Variants in ZNF804A observed in about 807,000 individuals in gnomAD.
ZNF804A encodes zinc finger protein 804A.
In ZNF804A, 2 loss-of-function variants were observed where a neutral mutation model predicts 16.5. The observed-to-expected ratio is 0.12, with a 90% CI of 0.05 to 0.38. The LOEUF is 0.38. ZNF804A is among the 10% of genes least tolerant of loss of function. ZNF804A has a pLI of 0.99. For missense variants in ZNF804A, 1,473 were observed against 1,390.7 expected (o/e 1.06, Z -0.94); for synonymous variants, 534 against 489.6 (o/e 1.09, Z -1.20).
chr2:184,861,148 G>A (rs947341077), intron 1 of ZNF804A, among the ~76,000 whole-genome samples: 2 of 152,158 alleles, frequency 1.3e-5, no homozygotes, highest in Non-Finnish European at 2.9e-5. Context: ...TTAGTTTTTT[G>A]GGGGGACAGG....
At chr2:184,860,454 C>T (rs1695781897) in intron 1 of ZNF804A, among the ~76,000 whole-genome samples, 1 of 152,206 alleles carries the variant, frequency 6.6e-6, no homozygotes, top group South Asian at 2.1e-4. Context: ...TCCACAGGAA[C>T]TTGCCTGGAG....
chr2:184,623,593 G>C (rs1355154069), intron 1 of ZNF804A, among the ~76,000 whole-genome samples: 1 of 152,062 alleles, frequency 6.6e-6, no homozygotes, highest in Non-Finnish European at 1.5e-5. Flanking sequence ...TCAAAGCCAT[G>C]CCTAGCTTTA....
intron 1 of ZNF804A, among the ~76,000 whole-genome samples, chr2:184,698,865 A>G (rs774390476): frequency 6.6e-6 from 1 of 152,110 alleles, no homozygotes; most frequent in Non-Finnish European, 1.5e-5. Flanking sequence ...GAAGACAAGA[A>G]CTTTTTTAAA....
chr2:184,649,831 C>CA (rs57435962), intron 1 of ZNF804A, among the ~76,000 whole-genome samples: 38,160 of 130,488 alleles, frequency 0.29, 5,258 homozygotes, highest in South Asian at 0.41. Flanking sequence ...ACAAATCAAC[C>CA]AAAAAAAAAA....
chr2:184,898,518 T>C (rs1685125893), intron 2 of ZNF804A, among the ~76,000 whole-genome samples: 1 of 152,068 alleles, frequency 6.6e-6, no homozygotes, highest in Admixed American at 6.6e-5. Context: ...TGATAAAGCA[T>C]TCCTGAATTC....
chr2:184,739,463 G>A (rs1483621409), intron 1 of ZNF804A, among the ~76,000 whole-genome samples: 1 of 152,156 alleles, frequency 6.6e-6, no homozygotes, highest in Non-Finnish European at 1.5e-5. Context: ...GCACGGTCGT[G>A]GCTCACTGCA....
intron 2 of ZNF804A, among the ~76,000 whole-genome samples, chr2:184,898,414 C>T (rs1685123696): frequency 6.6e-6 from 1 of 152,076 alleles, no homozygotes; most frequent in Admixed American, 6.6e-5. Context: ...ACATCACCTG[C>T]TTGTGGAATA....
At chr2:184,688,796 C>T (rs559195724) in intron 1 of ZNF804A, among the ~76,000 whole-genome samples, 4 of 152,160 alleles carry the variant, frequency 2.6e-5, no homozygotes, top group African/African-American at 7.2e-5. Flanking sequence ...TAATGATACC[C>T]TAAAACCTAT....
At chr2:184,748,748 G>C (rs1306508700) in intron 1 of ZNF804A, among the ~76,000 whole-genome samples, 1 of 151,468 alleles carries the variant, frequency 6.6e-6, no homozygotes, top group Non-Finnish European at 1.5e-5. Context: ...TTATCAATTT[G>C]AGTTAATTTT....
chr2:184,681,309 G>A (rs1036638175), intron 1 of ZNF804A, among the ~76,000 whole-genome samples: 1 of 152,114 alleles, frequency 6.6e-6, no homozygotes, highest in African/African-American at 2.4e-5. Context: ...CCCACTAAAA[G>A]CAGATTGTAA....
intron 1 of ZNF804A, among the ~76,000 whole-genome samples, chr2:184,785,245 G>A (rs1391657034): frequency 6.6e-6 from 1 of 151,816 alleles, no homozygotes; most frequent in Non-Finnish European, 1.5e-5. Context: ...CCAGTAATAT[G>A]CCATAAAATA....
chr2:184,747,568 A>G (rs1203060481), intron 1 of ZNF804A, among the ~76,000 whole-genome samples: 2 of 151,352 alleles, frequency 1.3e-5, no homozygotes, highest in African/African-American at 4.8e-5. Flanking sequence ...AAAAGAGAAT[A>G]TATGTTTTAA....
intron 1 of ZNF804A, among the ~76,000 whole-genome samples, chr2:184,615,424 C>A (rs904107026): frequency 2.0e-5 from 3 of 152,140 alleles, no homozygotes; most frequent in Non-Finnish European, 4.4e-5. Flanking sequence ...AAGACAGTCC[C>A]AGTTTATGCT....
intron 1 of ZNF804A, among the ~76,000 whole-genome samples, chr2:184,669,899 C>T (rs1187244073): frequency 6.6e-6 from 1 of 151,878 alleles, no homozygotes; most frequent in African/African-American, 2.4e-5. Context: ...CTTTGTAAGC[C>T]GGCAATTTTT....
intron 2 of ZNF804A, among the ~76,000 whole-genome samples, chr2:184,880,126 C>T (rs552137592): frequency 9.9e-5 from 15 of 151,830 alleles, no homozygotes; most frequent in Non-Finnish European, 1.3e-4. Flanking sequence ...TAAGAGTGAT[C>T]GACAGATAGC....
At chr2:184,705,785 A>G (rs1054997362) in intron 1 of ZNF804A, among the ~76,000 whole-genome samples, 1 of 152,186 alleles carries the variant, frequency 6.6e-6, no homozygotes, top group Non-Finnish European at 1.5e-5. Context: ...TGACCATTTC[A>G]TGTGCTGGGG....
At chr2:184,892,748 G>T (rs569289324) in intron 2 of ZNF804A, among the ~76,000 whole-genome samples, 2 of 152,252 alleles carry the variant, frequency 1.3e-5, no homozygotes, top group Non-Finnish European at 2.9e-5. Context: ...CTCCCAAAGT[G>T]CTGGGATTAC....
chr2:184,747,561 AG>A, intron 1 of ZNF804A, among the ~76,000 whole-genome samples: 1 of 151,260 alleles, frequency 6.6e-6, no homozygotes, highest in East Asian at 1.9e-4. Flanking sequence ...GGAAATAAAA[AG>A]AGAATATATG....
At chr2:184,621,489 A>G (rs979489354) in intron 1 of ZNF804A, among the ~76,000 whole-genome samples, 6 of 151,756 alleles carry the variant, frequency 4.0e-5, no homozygotes, top group African/African-American at 1.4e-4. Flanking sequence ...GGATAATTAC[A>G]CTATGCTACT....
Sources: allele counts gnomAD v4.1 joint callset (sites outside exome capture counted in the v4.1 genomes callset), GRCh38; gene constraint gnomAD v4.1.1; transcripts MANE v1.5; gene names NCBI Gene and HGNC (gene_info 2026-07-23, HGNC 2026-07-21).